GALNT13: variants seen among roughly 807,000 people sequenced by gnomAD.
GALNT13 encodes polypeptide N-acetylgalactosaminyltransferase 13.
Under a neutral mutation model 64.2 loss-of-function variants are expected in GALNT13, and 28 were observed. The observed-to-expected ratio is 0.44, with a 90% CI of 0.32 to 0.60. The LOEUF is 0.60. Ranked by LOEUF, GALNT13 falls within the 20% of genes least tolerant of loss-of-function variation. The pLI, the probability that GALNT13 is intolerant of heterozygous loss-of-function variation, is 0.05. For missense variants in GALNT13, 577 were observed against 669.8 expected (o/e 0.86, Z 1.53); for synonymous variants, 214 against 224.6 (o/e 0.95, Z 0.42).
rs1301032503 is a variant in GALNT13, at chr2:154,151,842, T to C, written c.311+11337T>C. On this transcript the variant is annotated intron_variant, in intron 4 of 12. Transcript: ENST00000392825. ...TGTGTGTGTCTGCATGTGAGATGGG[T>C]TTCCTGAATACAGCACACTGATGGG... is the stretch of plus-strand genomic sequence containing the variant. Among the ~76,000 whole-genome samples, 4 of 152,268 alleles carry C rather than the reference T, an allele frequency of 2.6e-5. No individual in the cohort carries two copies. In the East Asian group the frequency reaches 7.7e-4, roughly 29 times the overall value.
At chr2:153,204,076 A>G in the GALNT13 span, among the ~76,000 whole-genome samples, 2 of 152,162 alleles carry the variant, frequency 1.3e-5, no homozygotes, top group Non-Finnish European at 2.9e-5. Flanking sequence ...AACCAATCAC[A>G]CTATTCCTGT....
the GALNT13 span, among the ~76,000 whole-genome samples, chr2:153,795,146 T>C: frequency 6.6e-6 from 1 of 152,206 alleles, no homozygotes; most frequent in South Asian, 2.1e-4. Context: ...CTCATTTCTC[T>C]TTCAAATAAT....
the GALNT13 span, among the ~76,000 whole-genome samples, chr2:153,304,347 AT>A: frequency 1.3e-5 from 2 of 152,014 alleles, no homozygotes; most frequent in African/African-American, 2.4e-5. Flanking sequence ...GATGAACTTA[AT>A]TGGATTGAGG....
At chr2:153,569,526 T>TAA in the GALNT13 span, among the ~76,000 whole-genome samples, 9 of 149,216 alleles carry the variant, frequency 6.0e-5, no homozygotes, top group Admixed American at 1.3e-4. Flanking sequence ...CTTTTTTTTT[T>TAA]AAAAAAAATC....
chr2:153,952,895 A>C (rs1028989093), intron 3 of GALNT13, among the ~76,000 whole-genome samples: 1 of 152,176 alleles, frequency 6.6e-6, no homozygotes, highest in African/African-American at 2.4e-5. Context: ...TCAATGTTCG[A>C]GGGCAGGGAG....
At chr2:154,035,844 G>C (rs1409242299) in intron 3 of GALNT13, among the ~76,000 whole-genome samples, 1 of 152,038 alleles carries the variant, frequency 6.6e-6, no homozygotes, top group East Asian at 1.9e-4. Context: ...TATGAATATG[G>C]ATTGAACACT....
the GALNT13 span, among the ~76,000 whole-genome samples, chr2:153,081,214 C>T: frequency 6.6e-6 from 1 of 151,438 alleles, no homozygotes. Flanking sequence ...CTATTATTTA[C>T]TTTTTTATTT....
At chr2:153,082,618 TACACACACACACACACAC>T in the GALNT13 span, among the ~76,000 whole-genome samples, 113 of 30,184 alleles carry the variant, frequency 3.7e-3, 2 homozygotes, top group Admixed American at 0.011. Context: ...TATATATATA[TACACACACACACACACAC>T]ACACACACAC....
At chr2:154,361,012 G>T (rs1054731400) in intron 9 of GALNT13, among the ~76,000 whole-genome samples, 3 of 152,094 alleles carry the variant, frequency 2.0e-5, no homozygotes, top group Non-Finnish European at 4.4e-5. Flanking sequence ...AATTTGGAAA[G>T]ATGGGTTATG....
chr2:153,180,356 T>G, the GALNT13 span, among the ~76,000 whole-genome samples: 1 of 152,184 alleles, frequency 6.6e-6, no homozygotes, highest in Non-Finnish European at 1.5e-5. Context: ...TGAATCATCC[T>G]TGTATCACAT....
chr2:153,511,146 C>G, the GALNT13 span, among the ~76,000 whole-genome samples: 2 of 152,016 alleles, frequency 1.3e-5, no homozygotes, highest in South Asian at 4.1e-4. Context: ...TCTATTCATG[C>G]CTTTTGATAG....
intron 3 of GALNT13, among the ~76,000 whole-genome samples, chr2:154,020,058 T>G (rs1697334288): frequency 6.6e-6 from 1 of 152,172 alleles, no homozygotes; most frequent in African/African-American, 2.4e-5. Flanking sequence ...TGCATAGTAT[T>G]CCATGGTATA....
chr2:154,414,420 A>G (rs1188863448), intron 11 of GALNT13, among the ~76,000 whole-genome samples: 1 of 152,004 alleles, frequency 6.6e-6, no homozygotes, highest in East Asian at 1.9e-4. Flanking sequence ...GTCTGATTCC[A>G]CACCAGGTTT....
At chr2:154,390,432 A>G (rs1698733043) in intron 9 of GALNT13, among the ~76,000 whole-genome samples, 1 of 152,156 alleles carries the variant, frequency 6.6e-6, no homozygotes, top group Admixed American at 6.5e-5. Context: ...CTATGTGTCC[A>G]CATGTCCTCA....
chr2:154,246,736 C>T (rs1689802554), intron 7 of GALNT13, among the ~76,000 whole-genome samples: 1 of 151,996 alleles, frequency 6.6e-6, no homozygotes, highest in African/African-American at 2.4e-5. Context: ...TCCTTTGGAA[C>T]ATGAGAGAAA....
At chr2:153,520,091 T>G in the GALNT13 span, among the ~76,000 whole-genome samples, 3 of 152,208 alleles carry the variant, frequency 2.0e-5, no homozygotes, top group African/African-American at 7.2e-5. Context: ...GATGTTAATA[T>G]GAGCCAGACA....
At chr2:153,337,852 T>C in the GALNT13 span, 1 of 152,152 alleles carries the variant, frequency 6.6e-6, no homozygotes, top group East Asian at 1.9e-4. Context: ...GGATGTTCTT[T>C]GGGATTCTAA....
the GALNT13 span, among the ~76,000 whole-genome samples, chr2:153,147,541 C>CT: frequency 0.083 from 10,947 of 132,026 alleles, 1,080 homozygotes; most frequent in African/African-American, 0.24. Context: ...AAGCATTAGA[C>CT]TTTTTTTTTT....
chr2:154,392,770 G>A (rs1466264709), intron 9 of GALNT13, among the ~76,000 whole-genome samples: 1 of 152,128 alleles, frequency 6.6e-6, no homozygotes, highest in Non-Finnish European at 1.5e-5. Context: ...TAAATATATT[G>A]ACTAAGGAAC....
Sources: gnomAD v4.1 joint callset for allele counts (sites outside exome capture counted in the v4.1 genomes callset) on GRCh38, gnomAD v4.1.1 for gene constraint, MANE v1.5 for transcripts, NCBI Gene and HGNC (gene_info 2026-07-23, HGNC 2026-07-21) for gene names.